The following CNOT2 variants were observed in gnomAD, a reference collection of about 807,000 sequenced individuals.
The protein encoded by CNOT2 is CCR4-NOT transcription complex subunit 2.
CNOT2 carries 7 observed loss-of-function variants against 72.1 expected under a neutral mutation model. The observed-to-expected ratio is 0.10, with a 90% confidence interval of 0.06 to 0.18. The LOEUF is 0.18. Ranked by LOEUF, CNOT2 falls within the 10% of genes least tolerant of loss-of-function variation. CNOT2 has a pLI of 1.00. For synonymous variants in CNOT2, 196 were observed against 225.6 expected, an observed-to-expected ratio of 0.87 and a Z score of 1.17; for missense variants, 345 against 660.3, an observed-to-expected ratio of 0.52 and a Z score of 5.23.
chr12:70,270,391 G>A (rs1211952404), intron 1 of CNOT2, among the ~76,000 whole-genome samples: 3 of 152,108 alleles, frequency 2.0e-5, no homozygotes, highest in Admixed American at 1.3e-4. Context: ...TCTCAATTCA[G>A]TAGCAGTGAA....
At position 70,329,440 on chromosome 12, in the gene CNOT2, A is replaced by C; in HGVS notation, c.256A>C (p.Met86Leu). The change falls in exon 5 of 16, where the codon ATG (methionine) becomes CTG (leucine). Residue 86 changes from methionine to leucine, a missense_variant. Transcript: ENST00000229195. ...TTTATTAGGTGCACTAGGCCTTCCA[A>C]TGAGGGGGATGAGCAACAATACCCC... ...YGQQSALGLP[M>L]RGMSNNTPQL... The C allele has an allele frequency of 6.2e-7, 1 of 1,611,418 alleles. No individual in the cohort carries two copies. The highest frequency in any genetic ancestry group is 8.5e-7 in the Non-Finnish European group (1 of 1,178,276).
At chr12:70,246,205 T>C (rs1482671230) in intron 1 of CNOT2, among the ~76,000 whole-genome samples, 2 of 152,184 alleles carry the variant, frequency 1.3e-5, no homozygotes, top group Admixed American at 6.5e-5. Flanking sequence ...CAGTGGTAAA[T>C]AATAGCTTTT....
At chr12:70,283,467 T>TGATAGACA (rs1870241059) in intron 2 of CNOT2, among the ~76,000 whole-genome samples, 1 of 142,458 alleles carries the variant, frequency 7.0e-6, no homozygotes, top group Admixed American at 7.1e-5. Context: ...GTCAGTCGAT[T>TGATAGACA]GATAGATAGA....
At chr12:70,264,000 CTT>C (rs1958902722) in intron 1 of CNOT2, among the ~76,000 whole-genome samples, 1 of 152,160 alleles carries the variant, frequency 6.6e-6, no homozygotes, top group Non-Finnish European at 1.5e-5. Context: ...GTCTTTTTCA[CTT>C]ATATATATCT....
intron 9 of CNOT2, chr12:70,338,044 A>G (rs1333104200): frequency 4.5e-6 from 1 of 223,488 alleles, no homozygotes; most frequent in African/African-American, 2.4e-5. Context: ...TGTATGTCTA[A>G]CTTATCTTCA....
intron 2 of CNOT2, among the ~76,000 whole-genome samples, chr12:70,282,846 T>C (rs1036122331): frequency 5.3e-5 from 8 of 152,138 alleles, no homozygotes; most frequent in African/African-American, 1.9e-4. Flanking sequence ...CCCCATATTT[T>C]ATTATTTTGA....
rs1883195501 is a variant in CNOT2 at position 70,353,960 on chromosome 12, T to C, written c.*45T>C. 1.3e-6 allele frequency: 2 copies of C among 1,556,154 alleles called. No individual in the cohort carries two copies. The highest frequency in any genetic ancestry group is 3.5e-4 in the Middle Eastern group (2 of 5,716). On this transcript the variant is annotated 3_prime_UTR_variant, in exon 16 of 16. Transcript: ENST00000229195. ...AAAAGACTTCCCTTTTCTTGGGGTA[T>C]GGCTGTCTCAGCACAATACTCAACA...
intron 2 of CNOT2, among the ~76,000 whole-genome samples, chr12:70,306,401 C>T (rs1875396581): frequency 6.6e-6 from 1 of 152,144 alleles, no homozygotes; most frequent in Admixed American, 6.5e-5. Context: ...AAGTGATCTG[C>T]CTGCCTTGGC....
intron 2 of CNOT2, among the ~76,000 whole-genome samples, chr12:70,298,496 C>A (rs993575144): frequency 6.6e-6 from 1 of 152,146 alleles, no homozygotes; most frequent in African/African-American, 2.4e-5. Context: ...TGGTCCTTAG[C>A]TACAAAATAG....
intron 7 of CNOT2, among the ~76,000 whole-genome samples, chr12:70,334,227 A>G (rs1880357400): frequency 6.6e-6 from 1 of 152,074 alleles, no homozygotes; most frequent in Non-Finnish European, 1.5e-5. Context: ...TTGAGAAATT[A>G]TAAATTGAAA....
intron 11 of CNOT2, among the ~76,000 whole-genome samples, chr12:70,341,538 A>G (rs1437076669): frequency 5.3e-5 from 8 of 152,066 alleles, no homozygotes. Context: ...TATTCTGTTA[A>G]TTGATTTTGT....
intron 3 of CNOT2, among the ~76,000 whole-genome samples, chr12:70,315,251 C>T (rs993996693): frequency 1.4e-4 from 21 of 151,910 alleles, no homozygotes; most frequent in Admixed American, 1.3e-4. Flanking sequence ...TTAAGTTATC[C>T]GTTTTCCAAT....
intron 2 of CNOT2, among the ~76,000 whole-genome samples, chr12:70,293,208 T>G (rs1160804528): frequency 1.3e-5 from 2 of 151,430 alleles, no homozygotes; most frequent in African/African-American, 4.8e-5. Flanking sequence ...TCACCCAGGC[T>G]GGAGTGCAGT....
At chr12:70,306,242 A>T (rs1270382835) in intron 2 of CNOT2, among the ~76,000 whole-genome samples, 1 of 151,996 alleles carries the variant, frequency 6.6e-6, no homozygotes, top group African/African-American at 2.4e-5. Context: ...TGCAACCTCC[A>T]CCTCCTGGGT....
At chr12:70,279,952 GT>G (rs1565760390) in intron 2 of CNOT2, among the ~76,000 whole-genome samples, 1 of 152,036 alleles carries the variant, frequency 6.6e-6, no homozygotes. Flanking sequence ...TTGGTTATGG[GT>G]TTGCTGCCTC....
intron 1 of CNOT2, among the ~76,000 whole-genome samples, chr12:70,246,194 G>A (rs1477176444): frequency 6.6e-6 from 1 of 152,118 alleles, no homozygotes; most frequent in African/African-American, 2.4e-5. Context: ...CTCTTTAAAA[G>A]CAGTGGTAAA....
chr12:70,249,027 T>A (rs1030019392), intron 1 of CNOT2, among the ~76,000 whole-genome samples: 1 of 152,112 alleles, frequency 6.6e-6, no homozygotes, highest in Admixed American at 6.5e-5. Context: ...ATTGATATAC[T>A]ATTTTTCCAT....
intron 9 of CNOT2, chr12:70,338,095 T>C (rs552573801): frequency 1.4e-5 from 3 of 209,078 alleles, no homozygotes. Context: ...TATATTTAGT[T>C]TCTCTTTTAC....
At chr12:70,308,235 G>A (rs988501619) in intron 2 of CNOT2, among the ~76,000 whole-genome samples, 2 of 152,110 alleles carry the variant, frequency 1.3e-5, no homozygotes, top group African/African-American at 2.4e-5. Context: ...ATCATTCTAT[G>A]TAGAATAAAG....
Sources: gnomAD v4.1 joint callset for allele counts (sites outside exome capture counted in the v4.1 genomes callset) on GRCh38, gnomAD v4.1.1 for gene constraint, MANE v1.5 for transcripts, NCBI Gene and HGNC (gene_info 2026-07-23, HGNC 2026-07-21) for gene names.